The following CDH13 variants were observed in gnomAD, a reference collection of about 807,000 sequenced individuals.
CDH13 encodes cadherin 13.
Under a neutral mutation model 63.8 loss-of-function variants are expected in CDH13, and 24 were observed. The observed-to-expected ratio is 0.38, with a 90% CI of 0.27 to 0.53. The LOEUF (loss-of-function observed/expected upper bound fraction) is 0.53. Ranked by LOEUF, CDH13 falls within the 20% of genes least tolerant of loss-of-function variation. CDH13 has a pLI of 0.85. For missense variants in CDH13, 1,049 were observed against 903.1 expected, an observed-to-expected ratio of 1.16 and a Z score of -2.07; for synonymous variants, 503 against 355.3, an observed-to-expected ratio of 1.42 and a Z score of -4.67.
intron 3 of CDH13, among the ~76,000 whole-genome samples, chr16:83,110,194 A>G (rs1256931553): frequency 1.3e-5 from 2 of 152,244 alleles, no homozygotes; most frequent in Non-Finnish European, 2.9e-5. Flanking sequence ...TGTTTTCAGG[A>G]TGGCCCAACT....
chr16:83,457,103 C>G (rs893768164), intron 6 of CDH13, among the ~76,000 whole-genome samples: 4 of 152,090 alleles, frequency 2.6e-5, no homozygotes, highest in African/African-American at 9.7e-5. Context: ...GGATGGAGTC[C>G]AAGCCAAAAC....
chr16:83,188,818 G>T (rs1391160228), intron 4 of CDH13, among the ~76,000 whole-genome samples: 1 of 152,200 alleles, frequency 6.6e-6, no homozygotes, highest in South Asian at 2.1e-4. Flanking sequence ...ACGGTTTACT[G>T]TACCTTCTTC....
Position 83,133,059 on chromosome 16 carries a change from A to C in CDH13, c.483+7558A>C, listed in dbSNP as rs373835230. ...ATTGCAGGAAGTTCTGCCTCTACACAGCCCAATATGGTACCCACTAACCAC... is the reference window on the plus strand; with the variant it reads ...ATTGCAGGAAGTTCTGCCTCTACACCGCCCAATATGGTACCCACTAACCAC... On this transcript the variant is annotated intron_variant, in intron 4 of 13. Coordinates refer to ENST00000567109, the MANE Select transcript of CDH13 (RefSeq NM_001257.5). 5.3e-5 allele frequency among the ~76,000 whole-genome samples: 8 copies of C among 152,328 alleles called. No individual in the cohort carries two copies. The East Asian group carries it at 1.2e-3, about 22-fold the overall frequency.
intron 3 of CDH13, among the ~76,000 whole-genome samples, chr16:83,062,530 C>T (rs72796229): frequency 0.12 from 18,748 of 152,070 alleles, 1,446 homozygotes; most frequent in Non-Finnish European, 0.17. Context: ...TCATGAGATA[C>T]AGAGTGACAG....
At chr16:82,939,399 G>A (rs1180521955) in intron 2 of CDH13, among the ~76,000 whole-genome samples, 3 of 147,602 alleles carry the variant, frequency 2.0e-5, no homozygotes, top group African/African-American at 7.4e-5. Flanking sequence ...CTCCAGCCTG[G>A]GTGACAGAGT....
rs188198611 is a variant in CDH13 at position 83,333,522 on chromosome 16, T to C, written c.637-11340T>C. Among the ~76,000 whole-genome samples, 8 of 152,304 alleles carry C rather than the reference T, an allele frequency of 5.3e-5. No individual in the cohort carries two copies. The East Asian group carries it at 1.5e-3, about 29-fold the overall frequency. ...TTGAAATCTTGACCTGTGACGAGGC[T>C]GTGGCTGGTAGTGATGTTGCCAGGA... On this transcript the variant is annotated intron_variant, in intron 5 of 13. Transcript: ENST00000567109.
chr16:82,627,113 C>G lies in CDH13; in HGVS notation c.21C>G (p.Leu7=), dbSNP rs761748532. ...ACAAAATGCAGCCGAGAACTCCGCT[C>G]GTTCTGTGCGTTCTCCTGTCCCAGG... MQPRTP[L]VLCVLLSQVL... is the part of the protein sequence containing the mutation. Residue 7 remains leucine, a synonymous_variant, in exon 1 of 14, where the codon CTC becomes CTG. Transcript: ENST00000567109. 5.0e-6 allele frequency: 8 copies of G among 1,605,994 alleles called. No homozygotes were observed. The highest frequency in any genetic ancestry group is 1.7e-5 in the Admixed American group (1 of 59,096).
At chr16:83,785,257 A>G (rs562966474) in intron 13 of CDH13, among the ~76,000 whole-genome samples, 1 of 152,346 alleles carries the variant, frequency 6.6e-6, no homozygotes, top group African/African-American at 2.4e-5. Flanking sequence ...TGAGAAGTCC[A>G]AGAATAAGAT....
intron 3 of CDH13, among the ~76,000 whole-genome samples, chr16:83,081,972 C>T (rs1002847251): frequency 5.3e-5 from 8 of 151,754 alleles, no homozygotes; most frequent in Admixed American, 6.6e-5. Context: ...AGCTAATTTT[C>T]TATTTTTAGT....
At position 83,648,719 on chromosome 16, in the gene CDH13, A is replaced by G. The variant is rs530342314; in HGVS notation, c.1102-22071A>G. ...GACAAAGAAAATTTCTTGTGCAAAA[A>G]TCGAGTCAGTATCATTCTATCTTTA... On this transcript the variant is annotated intron_variant, in intron 8 of 13. Coordinates refer to ENST00000567109, the MANE Select transcript of CDH13 (RefSeq NM_001257.5). Among the ~76,000 whole-genome samples the G allele has an allele frequency of 1.6e-4, 25 of 152,206 alleles. 1 individual carries two copies. The East Asian group carries it at 4.4e-3, about 27-fold the overall frequency.
In CDH13 at chr16:83,115,846, A is replaced by G. The variant is rs117705756; in HGVS notation, c.367-9539A>G. Reference sequence around the variant, plus strand: ...ACTATTTCTCCCTATCACTTTTTCTATTATGCAAAGCCAGGGTCCAGGAGG... The same window carrying G: ...ACTATTTCTCCCTATCACTTTTTCTGTTATGCAAAGCCAGGGTCCAGGAGG... On this transcript the variant is annotated intron_variant, in intron 3 of 13. Coordinates refer to ENST00000567109, the MANE Select transcript of CDH13 (RefSeq NM_001257.5). 1.4e-4 allele frequency among the ~76,000 whole-genome samples: 21 copies of G among 152,326 alleles called. No homozygotes were observed. The East Asian group carries it at 3.1e-3, about 22-fold the overall frequency.
chr16:83,721,551 G>A (rs531216527), intron 10 of CDH13: 4 of 152,366 alleles, frequency 2.6e-5, no homozygotes, highest in African/African-American at 9.6e-5. Context: ...TCTGGGAAGA[G>A]TTGCTGAACA....
rs116537898 is a variant in CDH13 at position 83,764,184 on chromosome 16, A to G, written c.1682-15784A>G. 3.3e-3 allele frequency among the ~76,000 whole-genome samples: 504 copies of G among 152,236 alleles called. 1 individual carries two copies. The highest frequency in any genetic ancestry group is 0.011 in the African/African-American group (475 of 41,534). On this transcript the variant is annotated intron_variant, in intron 11 of 13. Coordinates refer to ENST00000567109, the MANE Select transcript of CDH13 (RefSeq NM_001257.5). ...AGAATCATGAGTGCTGAGGCAAACT[A>G]TGAAAAGGCACTTATGACCACCGTG...
At chr16:83,059,623 T>C (rs1308583871) in intron 3 of CDH13, among the ~76,000 whole-genome samples, 1 of 152,036 alleles carries the variant, frequency 6.6e-6, no homozygotes, top group Non-Finnish European at 1.5e-5. Context: ...GCCAGGCTGT[T>C]GCATGACAAG....
intron 3 of CDH13, among the ~76,000 whole-genome samples, chr16:83,121,047 C>G (rs1431978055): frequency 1.3e-5 from 2 of 152,166 alleles, no homozygotes; most frequent in African/African-American, 4.8e-5. Context: ...CAGGCGTGAT[C>G]CGCTGCGCCC....
chr16:82,837,171 G>T (rs933403039), intron 1 of CDH13, among the ~76,000 whole-genome samples: 1 of 152,230 alleles, frequency 6.6e-6, no homozygotes, highest in African/African-American at 2.4e-5. Flanking sequence ...GGAAGTGGGA[G>T]TTAGGCCACG....
intron 5 of CDH13, among the ~76,000 whole-genome samples, chr16:83,237,150 G>A (rs2040169666): frequency 6.6e-6 from 1 of 152,142 alleles, no homozygotes; most frequent in South Asian, 2.1e-4. Context: ...TTAGGAAATT[G>A]CAGCCTAAAG....
At chr16:83,379,511 C>G (rs1308207736) in intron 6 of CDH13, among the ~76,000 whole-genome samples, 1 of 152,140 alleles carries the variant, frequency 6.6e-6, no homozygotes, top group Non-Finnish European at 1.5e-5. Flanking sequence ...GTTGATCAAC[C>G]AGTTATATAT....
chr16:82,837,071 G>A (rs140929225), intron 1 of CDH13, among the ~76,000 whole-genome samples: 28 of 152,310 alleles, frequency 1.8e-4, no homozygotes, highest in Non-Finnish European at 3.2e-4. Context: ...GCAACCCATC[G>A]AGGTGGAAGT....
Sources: allele counts gnomAD v4.1 joint callset (sites outside exome capture counted in the v4.1 genomes callset), GRCh38; gene constraint gnomAD v4.1.1; transcripts MANE v1.5; gene names NCBI Gene and HGNC (gene_info 2026-07-23, HGNC 2026-07-21).